Variants in TRAPPC9 observed in about 807,000 individuals in gnomAD.
TRAPPC9 encodes IKK2 binding protein.
In TRAPPC9, 83 loss-of-function variants were observed where a neutral mutation model predicts 124.0. The observed-to-expected ratio is 0.67, with a 90% CI of 0.56 to 0.80. The LOEUF (loss-of-function observed/expected upper bound fraction) is 0.80. Among genes scored for constraint, TRAPPC9 ranks in the 30% least tolerant of loss-of-function variants. The pLI, the probability that TRAPPC9 is intolerant of heterozygous loss-of-function variation, is 0.00. For missense variants in TRAPPC9, 1,302 were observed against 1,508.3 expected (o/e 0.86, Z 2.27); for synonymous variants, 638 against 617.5 (o/e 1.03, Z -0.49).
intron 16 of TRAPPC9, among the ~76,000 whole-genome samples, chr8:140,223,811 A>G (rs1343330872): frequency 6.6e-6 from 1 of 152,196 alleles, no homozygotes; most frequent in Non-Finnish European, 1.5e-5. Context: ...AAGTAGTTCA[A>G]TTTTCAGGAT....
intron 1 of TRAPPC9, among the ~76,000 whole-genome samples, chr8:140,455,235 C>A (rs112810107): frequency 6.6e-6 from 1 of 150,942 alleles, no homozygotes; most frequent in Non-Finnish European, 1.5e-5. Flanking sequence ...CAGGTTCAAG[C>A]GATTCTCATG....
chr8:140,430,304 G>A (rs2070592652), intron 4 of TRAPPC9, among the ~76,000 whole-genome samples: 1 of 152,162 alleles, frequency 6.6e-6, no homozygotes, highest in Non-Finnish European at 1.5e-5. Context: ...AACTGAGGGG[G>A]AAGATGGCAC....
chr8:140,272,381 A>AGGGTGGTGG (rs879543318), intron 15 of TRAPPC9, among the ~76,000 whole-genome samples: 3 of 110,280 alleles, frequency 2.7e-5, no homozygotes, highest in African/African-American at 3.0e-5. Context: ...GGTGGTGGTG[A>AGGGTGGTGG]TGATGGTGAT....
At chr8:140,115,905 G>A (rs1380694251) in intron 17 of TRAPPC9, among the ~76,000 whole-genome samples, 2 of 152,276 alleles carry the variant, frequency 1.3e-5, no homozygotes, top group Admixed American at 1.3e-4. Flanking sequence ...CAGTGCTCGT[G>A]AACACCTATA....
chr8:139,737,472 C>CCCCCCA (rs1554633742), intron 21 of TRAPPC9, among the ~76,000 whole-genome samples: 1 of 118,988 alleles, frequency 8.4e-6, no homozygotes, highest in South Asian at 3.6e-4. Flanking sequence ...GCCCTCCCCC[C>CCCCCCA]CCCCCCACGG....
chr8:140,077,743 G>C (rs1843591142), intron 17 of TRAPPC9, among the ~76,000 whole-genome samples: 1 of 152,136 alleles, frequency 6.6e-6, no homozygotes, highest in African/African-American at 2.4e-5. Context: ...CCAGGGATGG[G>C]ACCAGAAATG....
rs543659782 is a variant in TRAPPC9 at position 139,989,800 on chromosome 8, G to A, written c.2700-964C>T. On this transcript the variant is annotated intron_variant, in intron 18 of 22. Transcript: ENST00000438773. Reference sequence around the variant, plus strand: ...AGTGGAAAAGTCCAGCCCCAAACGCGCCGTCCGTGTCCGTCACCATCTGAT... The same window carrying A: ...AGTGGAAAAGTCCAGCCCCAAACGCACCGTCCGTGTCCGTCACCATCTGAT... Among the ~76,000 whole-genome samples, 122 of 152,250 alleles carry A rather than the reference G, an allele frequency of 8.0e-4. 1 individual carries two copies. Among genetic ancestry groups the A allele is most frequent in the Non-Finnish European group, 1.4e-3 (95 of 68,024 alleles).
chr8:140,237,263 A>G (rs898684376), intron 16 of TRAPPC9, among the ~76,000 whole-genome samples: 3 of 151,804 alleles, frequency 2.0e-5, no homozygotes, highest in African/African-American at 7.3e-5. Context: ...CTGAACAATC[A>G]TCTAGTAGGG....
intron 19 of TRAPPC9, among the ~76,000 whole-genome samples, chr8:139,925,379 A>AC (rs1264624517): frequency 6.6e-6 from 1 of 152,156 alleles, no homozygotes; most frequent in Non-Finnish European, 1.5e-5. Flanking sequence ...AGAGAAGTGG[A>AC]CCCTTTCATT....
chr8:140,208,049 C>T (rs1308437355), intron 17 of TRAPPC9, among the ~76,000 whole-genome samples: 3 of 151,386 alleles, frequency 2.0e-5, no homozygotes, highest in East Asian at 3.9e-4. Context: ...ACTTGGGAGG[C>T]GGAGGCAGGA....
chr8:139,867,304 C>T (rs935225835), intron 21 of TRAPPC9, among the ~76,000 whole-genome samples: 1 of 152,082 alleles, frequency 6.6e-6, no homozygotes, highest in Non-Finnish European at 1.5e-5. Flanking sequence ...TGAAGGAGCA[C>T]CCAGAGGTCA....
In TRAPPC9 at chr8:139,729,868, C is replaced by T. The variant is rs1006934294; in HGVS notation, c.*1193G>A. Among the ~76,000 whole-genome samples the T allele has an allele frequency of 5.9e-5, 9 of 152,168 alleles. No individual in the cohort carries two copies. The highest frequency in any genetic ancestry group is 2.2e-4 in the African/African-American group (9 of 41,444). ...CCAATACTCCATGGGAGTTTCAGTG[C>T]CCAACGGGCACCTGACGAGCCTGGT... On this transcript the variant is annotated 3_prime_UTR_variant, in exon 23 of 23. Transcript: ENST00000438773.
At chr8:139,925,223 A>G (rs1179726223) in intron 19 of TRAPPC9, among the ~76,000 whole-genome samples, 1 of 152,206 alleles carries the variant, frequency 6.6e-6, no homozygotes, top group Non-Finnish European at 1.5e-5. Flanking sequence ...GTGGAAAAAA[A>G]TGCCCTGTTA....
intron 4 of TRAPPC9, among the ~76,000 whole-genome samples, chr8:140,433,254 T>C (rs2070712329): frequency 1.3e-5 from 2 of 151,912 alleles, no homozygotes; most frequent in Non-Finnish European, 2.9e-5. Context: ...ATCATGCTGC[T>C]GCACTTCAGC....
chr8:140,033,681 T>TTTTTTTTTTTTTTTTTTTG (rs1840680495), intron 17 of TRAPPC9, among the ~76,000 whole-genome samples: 1 of 117,320 alleles, frequency 8.5e-6, no homozygotes, highest in Non-Finnish European at 1.7e-5. Context: ...TTTTTTTTTT[T>TTTTTTTTTTTTTTTTTTTG]TTTTTTTTTT....
intron 8 of TRAPPC9, among the ~76,000 whole-genome samples, chr8:140,364,402 T>C (rs1320644539): frequency 6.6e-6 from 1 of 152,044 alleles, no homozygotes; most frequent in Non-Finnish European, 1.5e-5. Context: ...AGAAATCTAT[T>C]AAAATACACT....
intron 4 of TRAPPC9, 38 bp from the exon 5 acceptor site, chr8:140,426,679 A>G (rs747852946): frequency 1.3e-6 from 2 of 1,597,166 alleles, no homozygotes; most frequent in Non-Finnish European, 1.7e-6. Context: ...TTATTTGGAA[A>G]ACAAAACTAC....
At position 140,283,900 on chromosome 8, in the gene TRAPPC9, G is replaced by A; in HGVS notation, c.2103C>T (p.Thr701=). ...CTCGTGCACACTACCTGGGCAGAGA[G>A]GTGCTGATCTGCAGTCTTGGCAACG... is the stretch of plus-strand genomic sequence containing the variant. ...IPALPRLQIS[T]SLPRSAHSLQ... Residue 701 remains threonine (T), a synonymous_variant, in exon 14 of 23, where the codon ACC becomes ACT. Transcript: ENST00000438773. 6.2e-7 allele frequency: 1 copy of A among 1,614,098 alleles called. No individual in the cohort carries two copies. The highest frequency in any genetic ancestry group is 8.5e-7 in the Non-Finnish European group (1 of 1,180,012).
At chr8:140,373,805 G>T (rs146373417) in intron 7 of TRAPPC9, among the ~76,000 whole-genome samples, 1 of 152,096 alleles carries the variant, frequency 6.6e-6, no homozygotes, top group Non-Finnish European at 1.5e-5. Flanking sequence ...ATGATCACTG[G>T]CCACTGGTAT....
Sources: allele counts gnomAD v4.1 joint callset (sites outside exome capture counted in the v4.1 genomes callset), GRCh38; gene constraint gnomAD v4.1.1; transcripts MANE v1.5; gene names NCBI Gene and HGNC (gene_info 2026-07-23, HGNC 2026-07-21).